SLC4A10: variants seen among roughly 807,000 people sequenced by gnomAD.
The protein encoded by SLC4A10 is sodium-driven chloride bicarbonate exchanger.
Under a neutral mutation model 137.7 loss-of-function variants are expected in SLC4A10, and 42 were observed. The observed-to-expected ratio is 0.30, with a 90% CI of 0.24 to 0.39. The LOEUF is 0.39. SLC4A10 is among the 10% of genes least tolerant of loss of function. The probability of loss-of-function intolerance (pLI) is 1.00; values close to 1 mark genes in which losing one functional copy is unlikely to be tolerated. For synonymous variants in SLC4A10, 474 were observed against 464.1 expected (o/e 1.02, Z -0.27); for missense variants, 925 against 1,355.0 (o/e 0.68, Z 4.98).
At chr2:161,650,852 C>T (rs1436667816) in intron 1 of SLC4A10, among the ~76,000 whole-genome samples, 1 of 152,130 alleles carries the variant, frequency 6.6e-6, no homozygotes, top group African/African-American at 2.4e-5. Context: ...AGGTGTACCT[C>T]AGCAGGAACA....
chr2:161,955,618 G>A (rs572292654), intron 19 of SLC4A10, among the ~76,000 whole-genome samples: 4 of 152,246 alleles, frequency 2.6e-5, no homozygotes, highest in African/African-American at 9.6e-5. Flanking sequence ...TGGAAAGGAT[G>A]AGCAGAAAGG....
chr2:161,800,308 G>A (rs571514188), intron 2 of SLC4A10, among the ~76,000 whole-genome samples: 1 of 152,064 alleles, frequency 6.6e-6, no homozygotes, highest in East Asian at 1.9e-4. Context: ...AAAGTGTTTA[G>A]TAGCATAATG....
intron 2 of SLC4A10, among the ~76,000 whole-genome samples, chr2:161,781,953 G>A (rs11896941): frequency 0.087 from 13,240 of 152,036 alleles, 785 homozygotes; most frequent in African/African-American, 0.16. Flanking sequence ...GGAGGTTTGT[G>A]CATCCAATAC....
chr2:161,675,339 C>T (rs548456118), intron 1 of SLC4A10, among the ~76,000 whole-genome samples: 11 of 152,294 alleles, frequency 7.2e-5, no homozygotes, highest in Non-Finnish European at 1.3e-4. Flanking sequence ...GGAGATTAAA[C>T]CTGAAGCCTT....
At chr2:161,855,653 T>C (rs1049709017) in intron 5 of SLC4A10, among the ~76,000 whole-genome samples, 19 of 152,134 alleles carry the variant, frequency 1.2e-4, no homozygotes, top group Non-Finnish European at 7.4e-5. Context: ...ATTAGTATTA[T>C]AATTCAATGA....
intron 1 of SLC4A10, among the ~76,000 whole-genome samples, chr2:161,695,235 C>T (rs1308658735): frequency 6.6e-6 from 1 of 151,972 alleles, no homozygotes; most frequent in African/African-American, 2.4e-5. Flanking sequence ...TGTTCTGTGC[C>T]ATGGACTGAA....
chr2:161,691,124 T>A (rs1368058596), intron 1 of SLC4A10, among the ~76,000 whole-genome samples: 1 of 152,104 alleles, frequency 6.6e-6, no homozygotes. Context: ...TGCAGTGAGA[T>A]ATAAGTATAA....
At chr2:161,797,248 T>C (rs1227414750) in intron 2 of SLC4A10, among the ~76,000 whole-genome samples, 1 of 152,126 alleles carries the variant, frequency 6.6e-6, no homozygotes, top group Admixed American at 6.6e-5. Flanking sequence ...TGCTCTTCTG[T>C]TTTTGCTCAC....
At chr2:161,662,396 T>A (rs1004647595) in intron 1 of SLC4A10, among the ~76,000 whole-genome samples, 13 of 152,182 alleles carry the variant, frequency 8.5e-5, no homozygotes, top group African/African-American at 2.9e-4. Flanking sequence ...TGCAGGATTT[T>A]TTTTTAAAAA....
At chr2:161,918,636 A>G (rs1442258684) in intron 15 of SLC4A10, among the ~76,000 whole-genome samples, 2 of 152,238 alleles carry the variant, frequency 1.3e-5, no homozygotes, top group African/African-American at 4.8e-5. Flanking sequence ...CAAGGAGGGC[A>G]AAATACCTTG....
At chr2:161,927,666 A>G (rs1422387903) in intron 15 of SLC4A10, among the ~76,000 whole-genome samples, 1 of 152,188 alleles carries the variant, frequency 6.6e-6, no homozygotes, top group Non-Finnish European at 1.5e-5. Flanking sequence ...AACTCAAACA[A>G]ATATACAAGA....
chr2:161,644,925 A>T (rs968046510), intron 1 of SLC4A10, among the ~76,000 whole-genome samples: 10 of 152,192 alleles, frequency 6.6e-5, no homozygotes, highest in Admixed American at 3.9e-4. Context: ...ATTTGAAGTG[A>T]TAATAAAGTT....
intron 5 of SLC4A10, among the ~76,000 whole-genome samples, chr2:161,861,723 G>A (rs1305479164): frequency 6.6e-6 from 1 of 152,044 alleles, no homozygotes; most frequent in African/African-American, 2.4e-5. Context: ...AGTGCATCAG[G>A]TGCCTTATGT....
chr2:161,797,320 G>A (rs1244500706), intron 2 of SLC4A10, among the ~76,000 whole-genome samples: 1 of 151,878 alleles, frequency 6.6e-6, no homozygotes, highest in African/African-American at 2.4e-5. Context: ...TATTGTTTAA[G>A]AGCAACTCAA....
intron 8 of SLC4A10, among the ~76,000 whole-genome samples, 187 bp from the exon 9 acceptor site, chr2:161,878,944 G>A (rs763634341): frequency 2.6e-5 from 4 of 152,052 alleles, no homozygotes; most frequent in Non-Finnish European, 4.4e-5. Flanking sequence ...TTGATGACAA[G>A]TTAAAATAAT....
In SLC4A10 at chr2:161,917,766, C is replaced by G. The variant is rs1177268135; in HGVS notation, c.1997+11879C>G. Among the ~76,000 whole-genome samples the G allele has an allele frequency of 2.6e-5, 4 of 152,298 alleles. No homozygotes were observed. The East Asian group carries it at 5.8e-4, about 22-fold the overall frequency. ...ATCTAATTTATTATCTCTCTCCTCT[C>G]TAGAGTGAAGGGATCATTAGGGTAG... is the stretch of plus-strand genomic sequence containing the variant. On this transcript the variant is annotated intron_variant, in intron 15 of 26. Transcript: ENST00000446997.
chr2:161,898,985 T>A (rs2105278739), intron 11 of SLC4A10, among the ~76,000 whole-genome samples: 1 of 152,242 alleles, frequency 6.6e-6, no homozygotes, highest in South Asian at 2.1e-4. Context: ...TTTCTGACCC[T>A]CACTCTCATA....
chr2:161,626,810 T>A (rs188572384), intron 1 of SLC4A10, among the ~76,000 whole-genome samples: 1 of 151,820 alleles, frequency 6.6e-6, no homozygotes, highest in Non-Finnish European at 1.5e-5. Context: ...AAATTCAATA[T>A]TTTTTACATT....
At chr2:161,849,252 T>G (rs942368580) in intron 4 of SLC4A10, among the ~76,000 whole-genome samples, 2 of 152,186 alleles carry the variant, frequency 1.3e-5, no homozygotes, top group Non-Finnish European at 2.9e-5. Context: ...TATTGATTTT[T>G]GTATCTTAAA....
Sources: allele counts gnomAD v4.1 joint callset (sites outside exome capture counted in the v4.1 genomes callset), GRCh38; gene constraint gnomAD v4.1.1; transcripts MANE v1.5; gene names NCBI Gene and HGNC (gene_info 2026-07-23, HGNC 2026-07-21).